SND1: variants seen among roughly 807,000 people sequenced by gnomAD.
SND1 encodes the protein staphylococcal nuclease domain-containing protein 1.
In SND1, 38 loss-of-function variants were observed where a neutral mutation model predicts 121.7. The observed-to-expected ratio is 0.31, with a 90% CI of 0.24 to 0.41. The LOEUF is 0.41. SND1 is among the 10% of genes least tolerant of loss of function. The pLI is 1.00. For synonymous variants in SND1, 401 were observed against 447.4 expected (o/e 0.90, Z 1.31); for missense variants, 868 against 1,184.6 (o/e 0.73, Z 3.92).
Position 128,029,153 on chromosome 7 carries a change from C to G in SND1, c.1779+38097C>G, listed in dbSNP as rs374792277. ...CCACCTGCTTGGGCACACGGGTAGT[C>G]TGAATGAGCACCGTGGTAGAGGTGG... On this transcript the variant is annotated intron_variant, in intron 16 of 23. Transcript: ENST00000354725. The surrounding 1 kb of genome is among the most constrained non-coding windows in gnomAD (Gnocchi z 4.2). 5.6e-6 allele frequency: 9 copies of G among 1,613,956 alleles called. No homozygotes were observed. In the East Asian group the frequency reaches 6.7e-5, roughly 12 times the overall value.
At chr7:128,069,537 G>C (rs184192442) in intron 16 of SND1, among the ~76,000 whole-genome samples, 2 of 152,248 alleles carry the variant, frequency 1.3e-5, no homozygotes, top group East Asian at 3.9e-4. Flanking sequence ...CTCAGCTCTG[G>C]AGAAATTTCA....
intron 13 of SND1, among the ~76,000 whole-genome samples, chr7:127,898,329 A>G (rs1800159106): frequency 6.6e-6 from 1 of 152,094 alleles, no homozygotes; most frequent in Admixed American, 6.6e-5. Context: ...TTTCCAGTCT[A>G]TGCACTCTCA....
At chr7:127,899,821 G>T (rs886462357) in intron 13 of SND1, among the ~76,000 whole-genome samples, 2 of 152,230 alleles carry the variant, frequency 1.3e-5, no homozygotes, top group Admixed American at 1.3e-4. Context: ...AGACCAAGAG[G>T]GTTCCAAAAG....
At chr7:127,846,065 G>A (rs1218514134) in intron 12 of SND1, among the ~76,000 whole-genome samples, 8 of 152,134 alleles carry the variant, frequency 5.3e-5, no homozygotes, top group Non-Finnish European at 1.5e-5. Flanking sequence ...GTCTGTTCTA[G>A]TCTGGGTTTC....
At chr7:128,051,815 A>G (rs1269667054) in intron 16 of SND1, among the ~76,000 whole-genome samples, 1 of 152,248 alleles carries the variant, frequency 6.6e-6, no homozygotes, top group East Asian at 1.9e-4. Flanking sequence ...TGCTGTGCCC[A>G]TCCTTTGACG....
intron 15 of SND1, among the ~76,000 whole-genome samples, chr7:127,941,197 G>A (rs748946467): frequency 4.6e-5 from 7 of 152,124 alleles, no homozygotes; most frequent in Non-Finnish European, 1.0e-4. Context: ...TCTAGACCTT[G>A]TAAGTTTTTG....
intron 16 of SND1, among the ~76,000 whole-genome samples, chr7:128,034,314 A>G (rs1247116300): frequency 6.6e-6 from 1 of 152,188 alleles, no homozygotes; most frequent in African/African-American, 2.4e-5. Flanking sequence ...TGAGGGAGAC[A>G]TGGAGGTAAG....
At chr7:127,952,163 T>C (rs1584690609) in intron 15 of SND1, among the ~76,000 whole-genome samples, 1 of 152,244 alleles carries the variant, frequency 6.6e-6, no homozygotes, top group East Asian at 1.9e-4. Context: ...ACATAGTAGA[T>C]ACTCAATATT....
At chr7:127,756,246 G>T (rs1239855324) in intron 10 of SND1, among the ~76,000 whole-genome samples, 2 of 152,130 alleles carry the variant, frequency 1.3e-5, no homozygotes, top group African/African-American at 2.4e-5. Flanking sequence ...TCAGTTTGCG[G>T]CCTTTGATCT....
rs1003463741 is a variant in SND1 at position 127,694,892 on chromosome 7, C to G, written c.293C>G (p.Thr98Arg). 6.2e-7 allele frequency: 1 copy of G among 1,613,772 alleles called. No homozygotes were observed. Among genetic ancestry groups the G allele is most frequent in the Non-Finnish European group, 8.5e-7 (1 of 1,179,804 alleles). Reference sequence around the variant, plus strand: ...CTGATTGGGAAGGAAGTCTGTTTCACGATAGAAAACAAGACTCCCCAGGGG... The same window carrying G: ...CTGATTGGGAAGGAAGTCTGTTTCAGGATAGAAAACAAGACTCCCCAGGGG... The part of the protein sequence containing the change: ...KKLIGKEVCF[T>R]IENKTPQGRE... Residue 98 changes from threonine (T) to arginine (R), a missense_variant, in exon 3 of 24, where the codon ACG (threonine) becomes AGG (arginine). By Grantham distance (71) the Thr-to-Arg change is moderately conservative. This residue lies in a region of SND1 where 743 missense variants were observed against 1,071.3 expected (regional missense o/e 0.69). Transcript: ENST00000354725.
chr7:127,843,176 C>T (rs1406980523), intron 11 of SND1, among the ~76,000 whole-genome samples: 1 of 151,980 alleles, frequency 6.6e-6, no homozygotes, highest in Non-Finnish European at 1.5e-5. Flanking sequence ...TACCTTCTGC[C>T]CCCTACACAC....
intron 15 of SND1, among the ~76,000 whole-genome samples, chr7:127,961,259 A>G (rs978805370): frequency 2.0e-4 from 31 of 152,236 alleles, no homozygotes; most frequent in African/African-American, 7.0e-4. Flanking sequence ...ATCTAGTTGT[A>G]ATATATTACA....
At chr7:127,984,054 C>T (rs1430104495) in intron 15 of SND1, among the ~76,000 whole-genome samples, 3 of 152,126 alleles carry the variant, frequency 2.0e-5, no homozygotes, top group Non-Finnish European at 4.4e-5. Flanking sequence ...AATTTAGCAC[C>T]TTTTATCTTC....
chr7:127,861,189 A>G (rs1283953411), intron 12 of SND1, among the ~76,000 whole-genome samples: 1 of 152,196 alleles, frequency 6.6e-6, no homozygotes, highest in Non-Finnish European at 1.5e-5. Context: ...TATCTTGAAT[A>G]TCATCCATGT....
intron 15 of SND1, among the ~76,000 whole-genome samples, chr7:127,969,588 G>T (rs1801933835): frequency 6.6e-6 from 1 of 152,124 alleles, no homozygotes; most frequent in Non-Finnish European, 1.5e-5. Context: ...GCCAGGCATG[G>T]TGGCGGGCAC....
intron 10 of SND1, among the ~76,000 whole-genome samples, chr7:127,788,110 C>T (rs1284779894): frequency 6.6e-6 from 1 of 152,196 alleles, no homozygotes; most frequent in Non-Finnish European, 1.5e-5. Context: ...TTTTATGTAA[C>T]ATTTACAGGC....
At chr7:127,996,254 T>G (rs1387517933) in intron 16 of SND1, among the ~76,000 whole-genome samples, 1 of 152,066 alleles carries the variant, frequency 6.6e-6, no homozygotes, top group Non-Finnish European at 1.5e-5. Flanking sequence ...GGTGTGTATT[T>G]ATGAAGGGGT....
intron 1 of SND1, among the ~76,000 whole-genome samples, chr7:127,660,852 A>G (rs113250103): frequency 1.5e-3 from 222 of 152,244 alleles, no homozygotes; most frequent in African/African-American, 4.7e-3. Flanking sequence ...GATTTCCTAA[A>G]CAGGTCATCG....
chr7:127,758,857 C>A (rs1464701984), intron 10 of SND1, among the ~76,000 whole-genome samples: 2 of 151,926 alleles, frequency 1.3e-5, no homozygotes, highest in African/African-American at 4.8e-5. Context: ...AAATTTGAGA[C>A]CAGCCTAGAA....
Sources: gnomAD v4.1 joint callset for allele counts (sites outside exome capture counted in the v4.1 genomes callset) on GRCh38, gnomAD v4.1.1 for gene constraint, gnomAD v4.1.1 regional missense constraint, Gnocchi (gnomAD v3.1) non-coding constraint, MANE v1.5 for transcripts, NCBI Gene and HGNC (gene_info 2026-07-23, HGNC 2026-07-21) for gene names.